The following ALG12 variants were observed in gnomAD, a reference collection of about 807,000 sequenced individuals.
ALG12 encodes dol-P-Man:Man(7)GlcNAc(2)-PP-Dol alpha-1,6-mannosyltransferase.
In ALG12, 36 loss-of-function variants were observed where a neutral mutation model predicts 46.0. The observed-to-expected ratio is 0.78, with a 90% CI of 0.60 to 1.03. The LOEUF (loss-of-function observed/expected upper bound fraction) is 1.03, where lower values mean the gene tolerates loss of function less well. ALG12 is among the 50% of genes least tolerant of loss of function. ALG12 has a pLI of 0.00. For missense variants in ALG12, 599 were observed against 633.5 expected, an observed-to-expected ratio of 0.95 and a Z score of 0.58; for synonymous variants, 326 against 291.6, an observed-to-expected ratio of 1.12 and a Z score of -1.20.
chr22:49,912,065 A>ACCCTCG (rs2060580851), intron 3 of ALG12, among the ~76,000 whole-genome samples: 3 of 116,028 alleles, frequency 2.6e-5, no homozygotes, highest in African/African-American at 1.3e-4. Flanking sequence ...CCGCGGGATC[A>ACCCTCG]GCCTGGCCCC....
At chr22:49,910,980 C>T (rs1176677446) in intron 3 of ALG12, among the ~76,000 whole-genome samples, 2 of 152,226 alleles carry the variant, frequency 1.3e-5, no homozygotes, top group Admixed American at 6.5e-5. Flanking sequence ...CTTGCTCTAA[C>T]CAGCAGCCAT....
the ALG12 span, among the ~76,000 whole-genome samples, chr22:49,870,412 G>C: frequency 6.6e-6 from 1 of 152,142 alleles, no homozygotes; most frequent in African/African-American, 2.4e-5. Context: ...ACTGCTCTCC[G>C]CAGTGGCTGA....
chr22:49,875,946 T>A, the ALG12 span, among the ~76,000 whole-genome samples: 2 of 151,370 alleles, frequency 1.3e-5, no homozygotes, highest in African/African-American at 4.8e-5. Context: ...TTTTTTTTCT[T>A]TTTTTTTTAT....
chr22:49,916,231 C>T (rs946196537), intron 1 of ALG12, among the ~76,000 whole-genome samples: 5 of 151,578 alleles, frequency 3.3e-5, no homozygotes, highest in South Asian at 2.1e-4. Flanking sequence ...CCTGCCTGGG[C>T]GACAGAGCAA....
intron 4 of ALG12, 120 bp downstream of exon 4, chr22:49,910,314 T>G: frequency 7.1e-7 from 1 of 1,400,952 alleles, no homozygotes; most frequent in South Asian, 1.3e-5. Context: ...CAGACCATCC[T>G]GAGGAACCCA....
downstream of ALG12, among the ~76,000 whole-genome samples, chr22:49,899,916 T>C (rs1348242963): frequency 6.6e-6 from 1 of 152,024 alleles, no homozygotes; most frequent in Non-Finnish European, 1.5e-5. Flanking sequence ...CCCAGCACTT[T>C]AGGAGGCCAA....
At chr22:49,899,477 CAA>C (rs944680417), downstream of ALG12, among the ~76,000 whole-genome samples, 10 of 112,314 alleles carry the variant, frequency 8.9e-5, no homozygotes, top group Admixed American at 2.8e-4. Context: ...GACTCCATCT[CAA>C]AAAAAAAAAA....
chr22:49,883,881 G>T, the ALG12 span: 1 of 1,607,030 alleles, frequency 6.2e-7, no homozygotes, highest in Non-Finnish European at 8.5e-7. Context: ...CCCCGGGGAA[G>T]TACTTGTCTG....
At chr22:49,904,640 A>C in intron 7 of ALG12, 134 bp from the exon 8 acceptor site, 1 of 1,026,076 alleles carries the variant, frequency 9.7e-7, no homozygotes, top group Non-Finnish European at 1.5e-6. Context: ...CACCAAATAA[A>C]ACAGAGTCAG....
chr22:49,907,954 G>A lies in ALG12; in HGVS notation c.769-10C>T, dbSNP rs910838469. On this transcript the variant is annotated splice_polypyrimidine_tract_variant and intron_variant, in intron 6 of 9. Transcript: ENST00000330817. ...ACAGCAGCGGGGAGGTCTGCGGGCT[G>A]GGTTAAGGAGGCCACGCACCTGTCC... 1 of 1,610,538 alleles carries A rather than the reference G, an allele frequency of 6.2e-7. No homozygotes were observed. Among genetic ancestry groups the A allele is most frequent in the East Asian group, 2.2e-5 (1 of 44,878 alleles).
the ALG12 span, chr22:49,883,645 G>C: frequency 6.5e-7 from 1 of 1,533,628 alleles, no homozygotes; most frequent in East Asian, 2.3e-5. Flanking sequence ...GATACAGCCG[G>C]AGTAGTTATG....
downstream of ALG12, among the ~76,000 whole-genome samples, chr22:49,895,827 G>A (rs1264724583): frequency 6.6e-6 from 1 of 151,298 alleles, no homozygotes; most frequent in Non-Finnish European, 1.5e-5. Context: ...AAATGTAGTG[G>A]ATTTTAATTG....
the ALG12 span, among the ~76,000 whole-genome samples, chr22:49,862,693 C>CTT: frequency 0.061 from 3,617 of 59,024 alleles, 524 homozygotes; most frequent in African/African-American, 0.16. Context: ...TAAGTTTTTC[C>CTT]TTTTTTTTTT....
At chr22:49,864,131 T>C in the ALG12 span, among the ~76,000 whole-genome samples, 5 of 152,348 alleles carry the variant, frequency 3.3e-5, no homozygotes, top group Admixed American at 3.3e-4. Flanking sequence ...GGTTGGCCGC[T>C]GGTTCTAGGC....
At chr22:49,861,725 C>T in the ALG12 span, among the ~76,000 whole-genome samples, 1 of 152,204 alleles carries the variant, frequency 6.6e-6, no homozygotes, top group Admixed American at 6.5e-5. Flanking sequence ...GCGTGAGCTG[C>T]CGTGGCTGGC....
At chr22:49,908,383 C>CCAGGTG (rs2060555669) in intron 6 of ALG12, among the ~76,000 whole-genome samples, 41 of 146,332 alleles carry the variant, frequency 2.8e-4, no homozygotes, top group South Asian at 6.8e-4. Flanking sequence ...CAAAAATTAG[C>CCAGGTG]TGGGCATGGT....
chr22:49,865,611 G>A, the ALG12 span, among the ~76,000 whole-genome samples: 2 of 152,062 alleles, frequency 1.3e-5, no homozygotes, highest in Non-Finnish European at 2.9e-5. Context: ...GGAGGCAGAG[G>A]GTGCAGTGAG....
At chr22:49,904,663 G>T in intron 7 of ALG12, 157 bp from the exon 8 acceptor site, 1 of 831,258 alleles carries the variant, frequency 1.2e-6, no homozygotes, top group Non-Finnish European at 2.0e-6. Flanking sequence ...ACCCGTAAAA[G>T]TGGTTAAGAT....
rs577244049 is a variant in ALG12, at chr22:49,912,910, C to G, written c.295+475G>C. Among the ~76,000 whole-genome samples, 3 of 152,046 alleles carry G rather than the reference C, an allele frequency of 2.0e-5. No individual in the cohort carries two copies. The South Asian group carries it at 6.2e-4, about 32-fold the overall frequency. On this transcript the variant is annotated intron_variant, in intron 3 of 9. Coordinates refer to ENST00000330817, the MANE Select transcript of ALG12 (RefSeq NM_024105.4). ...GGTTTTTAGAACAATATGTACAAAA[C>G]GTTCTAATTTTTTTTTTTTAAAGTC... is the stretch of plus-strand genomic sequence containing the variant.
Sources: allele counts gnomAD v4.1 joint callset (sites outside exome capture counted in the v4.1 genomes callset), GRCh38; gene constraint gnomAD v4.1.1; transcripts MANE v1.5; gene names NCBI Gene and HGNC (gene_info 2026-07-23, HGNC 2026-07-21).